The following USP30 variants were observed in gnomAD, a reference collection of about 807,000 sequenced individuals.
USP30 encodes ubiquitin carboxyl-terminal hydrolase 30.
In USP30, 41 loss-of-function variants were observed where a neutral mutation model predicts 68.2. The observed-to-expected ratio is 0.60, with a 90% CI of 0.47 to 0.78. The LOEUF is 0.78. Among genes scored for constraint, USP30 ranks in the 30% least tolerant of loss-of-function variants. The pLI is 0.00. For synonymous variants in USP30, 229 were observed against 253.7 expected, an observed-to-expected ratio of 0.90 and a Z score of 0.93; for missense variants, 522 against 649.4, an observed-to-expected ratio of 0.80 and a Z score of 2.13.
At chr12:109,034,163 T>A (rs1433316) in intron 3 of USP30, among the ~76,000 whole-genome samples, 5,366 of 152,264 alleles carry the variant, frequency 0.035, 584 homozygotes, top group Admixed American at 0.22. Context: ...ATATTGTGAC[T>A]TGTACCTCGT....
intron 4 of USP30, among the ~76,000 whole-genome samples, chr12:109,069,245 G>T (rs2041353897): frequency 6.6e-6 from 1 of 152,190 alleles, no homozygotes; most frequent in Admixed American, 6.5e-5. Flanking sequence ...CACGGTTTAG[G>T]TTATAGATCC....
At chr12:109,035,143 T>C (rs2040509482) in intron 3 of USP30, among the ~76,000 whole-genome samples, 2 of 152,130 alleles carry the variant, frequency 1.3e-5, no homozygotes, top group Non-Finnish European at 2.9e-5. Context: ...TCACCAATAA[T>C]GTAGGATTTA....
chr12:109,026,413 G>C (rs1373478047), intron 2 of USP30, among the ~76,000 whole-genome samples: 2 of 151,596 alleles, frequency 1.3e-5, no homozygotes, highest in Admixed American at 1.3e-4. Context: ...ATATGTCTTA[G>C]CCAGGTCAGT....
At chr12:109,063,097 ATTCT>A (rs2041129639) in intron 3 of USP30, among the ~76,000 whole-genome samples, 1 of 128,556 alleles carries the variant, frequency 7.8e-6, no homozygotes, top group African/African-American at 2.5e-5. Context: ...GCTGAATAAT[ATTCT>A]TTCTATTTTT....
chr12:109,069,496 T>C (rs992677032), intron 4 of USP30, among the ~76,000 whole-genome samples: 7 of 152,228 alleles, frequency 4.6e-5, no homozygotes, highest in Non-Finnish European at 7.3e-5. Flanking sequence ...CTACTTCCAC[T>C]CTACAGCTGC....
In USP30 at chr12:109,067,613, T is replaced by A; in HGVS notation, c.466T>A (p.Ser156Thr). The A allele has an allele frequency of 1.2e-6, 2 of 1,614,008 alleles. No homozygotes were observed. Among genetic ancestry groups the A allele is most frequent in the Non-Finnish European group, 1.7e-6 (2 of 1,179,890 alleles). ...VLRMYRWQIS[S>T]FEEQDAHELF... The stretch of plus-strand genomic sequence containing the variant: ...AAGAATGTACAGATGGCAGATCTCA[T>A]CATTTGAAGAACAGGTGAGTACAAC... Residue 156 changes from serine (S) to threonine (T), a missense_variant, in exon 4 of 13, where the codon TCA becomes ACA. Coordinates refer to ENST00000257548, the MANE Select transcript of USP30 (RefSeq NM_032663.5).
At chr12:109,036,490 G>A (rs1161575916) in intron 3 of USP30, among the ~76,000 whole-genome samples, 1 of 151,958 alleles carries the variant, frequency 6.6e-6, no homozygotes, top group East Asian at 1.9e-4. Context: ...TAGAGATGGG[G>A]TTTCACCATG....
At chr12:109,037,787 C>G (rs1237045242) in intron 3 of USP30, among the ~76,000 whole-genome samples, 1 of 152,106 alleles carries the variant, frequency 6.6e-6, no homozygotes, top group Non-Finnish European at 1.5e-5. Context: ...TGTTGGGGTA[C>G]ACCTTCAACA....
At chr12:109,024,289 G>T (rs1205459696) in intron 1 of USP30, among the ~76,000 whole-genome samples, 5 of 151,916 alleles carry the variant, frequency 3.3e-5, no homozygotes, top group Non-Finnish European at 5.9e-5. Flanking sequence ...ACAAGATCTG[G>T]CTCTATCATC....
At chr12:109,054,092 T>C (rs1413274535) in intron 1 of USP30, 6 of 455,256 alleles carry the variant, frequency 1.3e-5, no homozygotes, top group African/African-American at 8.0e-5. Context: ...TAAATATTAG[T>C]GTTTGATTAG....
intron 3 of USP30, among the ~76,000 whole-genome samples, chr12:109,040,469 G>A (rs962871959): frequency 3.9e-5 from 6 of 152,178 alleles, no homozygotes; most frequent in African/African-American, 1.4e-4. Flanking sequence ...CCAAAACTTA[G>A]CATCTTTAAA....
intron 3 of USP30, among the ~76,000 whole-genome samples, chr12:109,037,457 C>T (rs2040530010): frequency 6.6e-6 from 1 of 152,094 alleles, no homozygotes; most frequent in Non-Finnish European, 1.5e-5. Flanking sequence ...TGTGCATAGG[C>T]CTTACTTTTT....
chr12:109,072,279 CTG>C (rs1160427407), intron 5 of USP30, 24 bp from the exon 6 acceptor site: 1 of 1,589,030 alleles, frequency 6.3e-7, no homozygotes, highest in Non-Finnish European at 8.6e-7. Flanking sequence ...GGTTTTCAGT[CTG>C]TTTTTTTTTT....
rs1326318835 is a variant in USP30 at position 109,058,017 on chromosome 12, G to A, written c.285G>A (p.Trp95Ter). ...GLSACPAFIR[W>*]LEEFTSQYSR... is the part of the protein sequence containing the mutation. ...CTGCCTGTCCTGCTTTCATCAGGTG[G>A]CTGGAAGAGTTCACCTCCCAGTACT... The change falls in exon 3 of 13, where the codon TGG (tryptophan) becomes TGA (stop). Residue 95 changes from tryptophan to a stop codon, truncating the protein, a stop_gained. Transcript: ENST00000257548. LOFTEE classifies it high-confidence loss of function. The A allele has an allele frequency of 6.2e-7, 1 of 1,614,136 alleles. No individual in the cohort carries two copies. The highest frequency in any genetic ancestry group is 8.5e-7 in the Non-Finnish European group (1 of 1,180,010).
chr12:109,045,073 G>T (rs931199069), intron 3 of USP30, among the ~76,000 whole-genome samples: 1 of 146,654 alleles, frequency 6.8e-6, no homozygotes, highest in African/African-American at 2.5e-5. Flanking sequence ...CGCCTCCCGG[G>T]TTCTAAGCGA....
rs141551427 is a variant in USP30, at chr12:109,072,265, G to C, written c.580-40G>C. The C allele has an allele frequency of 2.0e-3, 3,138 of 1,593,288 alleles. 52 individuals are homozygous for C. The South Asian group carries it at 0.024, about 12-fold the overall frequency. ...GGTGAGGGTGGTGAAAGGGATTATA[G>C]TAAGGTTTTCAGTCTGTTTTTTTTT... On this transcript the variant is annotated intron_variant, in intron 5 of 12. Coordinates refer to ENST00000257548, the MANE Select transcript of USP30 (RefSeq NM_032663.5).
At chr12:109,044,240 A>T (rs1048245105) in intron 3 of USP30, among the ~76,000 whole-genome samples, 1 of 151,956 alleles carries the variant, frequency 6.6e-6, no homozygotes, top group Non-Finnish European at 1.5e-5. Flanking sequence ...TTACTGTTTA[A>T]CAGGTACAGA....
At chr12:109,025,830 A>G (rs1230763480) in intron 2 of USP30, among the ~76,000 whole-genome samples, 1 of 150,834 alleles carries the variant, frequency 6.6e-6, no homozygotes, top group African/African-American at 2.4e-5. Context: ...TAGGACTACA[A>G]GTGTGCACCA....
intron 3 of USP30, among the ~76,000 whole-genome samples, chr12:109,043,428 G>A (rs563389223): frequency 3.0e-4 from 45 of 152,104 alleles, no homozygotes; most frequent in Middle Eastern, 3.2e-3. Flanking sequence ...AAACTCTCTG[G>A]TATATGGTCA....
Sources: gnomAD v4.1 joint callset for allele counts (sites outside exome capture counted in the v4.1 genomes callset) on GRCh38, gnomAD v4.1.1 for gene constraint, MANE v1.5 for transcripts, NCBI Gene and HGNC (gene_info 2026-07-23, HGNC 2026-07-21) for gene names.